ARHGAP28: variants seen among roughly 807,000 people sequenced by gnomAD.
ARHGAP28 encodes rho GTPase-activating protein 28.
A neutral mutation model predicts 90.7 loss-of-function variants in ARHGAP28; 56 were observed. The observed-to-expected ratio is 0.62, with a 90% CI of 0.50 to 0.77. The LOEUF (loss-of-function observed/expected upper bound fraction) is 0.77, where lower values mean the gene tolerates loss of function less well. Ranked by LOEUF, ARHGAP28 falls within the 30% of genes least tolerant of loss-of-function variation. The probability of loss-of-function intolerance (pLI) is 0.00; values close to 1 mark genes in which losing one functional copy is unlikely to be tolerated. For synonymous variants in ARHGAP28, 308 were observed against 323.3 expected, an observed-to-expected ratio of 0.95 and a Z score of 0.51; for missense variants, 869 against 900.9, an observed-to-expected ratio of 0.96 and a Z score of 0.45.
At chr18:6,816,231 G>T (rs984163674) in intron 1 of ARHGAP28, among the ~76,000 whole-genome samples, 1 of 152,112 alleles carries the variant, frequency 6.6e-6, no homozygotes, top group Non-Finnish European at 1.5e-5. Flanking sequence ...TGAAACTATG[G>T]CTTCTTTTTA....
chr18:6,812,211 TG>T (rs933248734), intron 1 of ARHGAP28, among the ~76,000 whole-genome samples: 1 of 152,230 alleles, frequency 6.6e-6, no homozygotes, highest in African/African-American at 2.4e-5. Context: ...GGGTAATTTT[TG>T]TTTTAAAGAG....
chr18:6,906,710 A>C (rs2143847663), intron 16 of ARHGAP28, among the ~76,000 whole-genome samples: 1 of 152,322 alleles, frequency 6.6e-6, no homozygotes, highest in Middle Eastern at 3.4e-3. Context: ...AACATTTATG[A>C]TCTAAAACTA....
chr18:6,821,092 C>T (rs1195761478), intron 1 of ARHGAP28, among the ~76,000 whole-genome samples: 1 of 152,038 alleles, frequency 6.6e-6, no homozygotes, highest in East Asian at 1.9e-4. Flanking sequence ...ACATAGATGA[C>T]AACAGTAATA....
chr18:6,838,709 C>A (rs1335340909), intron 3 of ARHGAP28, among the ~76,000 whole-genome samples: 1 of 152,168 alleles, frequency 6.6e-6, no homozygotes, highest in African/African-American at 2.4e-5. Flanking sequence ...TAACATAGTT[C>A]TAGAATCTTC....
At position 6,848,840 on chromosome 18, in the gene ARHGAP28, A is replaced by G. The variant is rs543331239; in HGVS notation, c.544-2194A>G. On this transcript the variant is annotated intron_variant, in intron 3 of 17. Transcript: ENST00000383472. ...AGGACATGCAAACAGAAGCATAATC[A>G]CAGCAAGTCTCCTCTGTCCCTTCTG... Among the ~76,000 whole-genome samples the G allele has an allele frequency of 3.9e-5, 6 of 152,276 alleles. No individual in the cohort carries two copies. The South Asian group carries it at 1.2e-3, about 32-fold the overall frequency.
At chr18:6,859,932 G>C in intron 5 of ARHGAP28, 35 bp downstream of exon 5, 1 of 1,582,224 alleles carries the variant, frequency 6.3e-7, no homozygotes, top group Non-Finnish European at 8.7e-7. Flanking sequence ...TACATGTCAA[G>C]GTACAGTTGC....
Position 6,913,302 on chromosome 18 carries a change from A to G in ARHGAP28, c.*1148A>G, listed in dbSNP as rs2057408537. The G allele has an allele frequency of 6.6e-6, 1 of 152,144 alleles. No homozygotes were observed. The highest frequency in any genetic ancestry group is 2.4e-5 in the African/African-American group (1 of 41,428). 9.4% of individuals were successfully genotyped at this position (152,144 alleles called of 1,614,324 possible). A position where few individuals can be genotyped will look rare whatever the true frequency, so the allele number is the denominator to read the frequency against. On this transcript the variant is annotated 3_prime_UTR_variant, in exon 18 of 18. Coordinates refer to ENST00000383472, the MANE Select transcript of ARHGAP28 (RefSeq NM_001366230.1). The stretch of plus-strand genomic sequence containing the variant: ...AGAACACATAGTCCCCACGTTTCTA[A>G]TTTGGAGCAAATCTAAAAGGTGCTG...
intron 1 of ARHGAP28, among the ~76,000 whole-genome samples, chr18:6,739,886 C>T (rs1360770290): frequency 7.0e-6 from 1 of 143,392 alleles, no homozygotes; most frequent in Non-Finnish European, 1.5e-5. Flanking sequence ...CGGAGTTTCA[C>T]TCTCGTTGTC....
rs530051905 is a variant in ARHGAP28, at chr18:6,870,938, C to T, written c.954+206C>T. Among the ~76,000 whole-genome samples, 11 of 152,204 alleles carry T rather than the reference C, an allele frequency of 7.2e-5. No individual in the cohort carries two copies. In the South Asian group the frequency reaches 8.3e-4, roughly 11 times the overall value. ...GCCTCAGCCTCCCGAGTAGCTGGGACTACAGGCACCTGCCAACTTGCCCGG... is the reference window on the plus strand; with the variant it reads ...GCCTCAGCCTCCCGAGTAGCTGGGATTACAGGCACCTGCCAACTTGCCCGG... On this transcript the variant is annotated intron_variant, in intron 7 of 17. Transcript: ENST00000383472.
intron 1 of ARHGAP28, among the ~76,000 whole-genome samples, chr18:6,803,462 T>C (rs1477319181): frequency 2.6e-5 from 4 of 152,152 alleles, no homozygotes; most frequent in South Asian, 4.1e-4. Context: ...ATATTTTTTA[T>C]ATAGAGTAGA....
chr18:6,842,780 C>T (rs1309506040), intron 3 of ARHGAP28, among the ~76,000 whole-genome samples: 1 of 152,058 alleles, frequency 6.6e-6, no homozygotes, highest in Non-Finnish European at 1.5e-5. Flanking sequence ...TGTTTACTGT[C>T]ATCCTCCACT....
intron 16 of ARHGAP28, among the ~76,000 whole-genome samples, chr18:6,906,719 T>C (rs955165615): frequency 3.2e-4 from 48 of 152,064 alleles, no homozygotes; most frequent in African/African-American, 1.1e-3. Flanking sequence ...GATCTAAAAC[T>C]AAAGAGTTCT....
intron 1 of ARHGAP28, among the ~76,000 whole-genome samples, chr18:6,820,632 T>C (rs1308959276): frequency 6.6e-6 from 1 of 152,200 alleles, no homozygotes; most frequent in East Asian, 1.9e-4. Context: ...ATAAAATCTA[T>C]TATGAGCAGA....
At chr18:6,841,595 T>C (rs1415429799) in intron 3 of ARHGAP28, among the ~76,000 whole-genome samples, 1 of 151,688 alleles carries the variant, frequency 6.6e-6, no homozygotes, top group Non-Finnish European at 1.5e-5. Context: ...TTCTCTTAAT[T>C]TTTTTTTGCA....
At chr18:6,860,493 A>G (rs1600256530) in intron 5 of ARHGAP28, among the ~76,000 whole-genome samples, 1 of 152,282 alleles carries the variant, frequency 6.6e-6, no homozygotes, top group South Asian at 2.1e-4. Context: ...CAGGGAGGAT[A>G]TGATAGACCC....
chr18:6,902,684 G>A (rs189874559), intron 16 of ARHGAP28, among the ~76,000 whole-genome samples: 3 of 152,208 alleles, frequency 2.0e-5, no homozygotes, highest in Non-Finnish European at 2.9e-5. Context: ...TGGCGAAGAT[G>A]AGAAGAAATC....
rs541846529 is a variant in ARHGAP28, at chr18:6,815,182, C to T, written c.123-9580C>T. Among the ~76,000 whole-genome samples, 26 of 152,294 alleles carry T rather than the reference C, an allele frequency of 1.7e-4. 1 individual carries two copies. In the South Asian group the frequency reaches 5.2e-3, roughly 30 times the overall value. On this transcript the variant is annotated intron_variant, in intron 1 of 17. Coordinates refer to ENST00000383472, the MANE Select transcript of ARHGAP28 (RefSeq NM_001366230.1). ...ACACAGACATAACATAAAACGTTCA[C>T]ATTTAGTGATTTACTTTGCCTGCAA... is the stretch of plus-strand genomic sequence containing the variant.
At position 6,836,802 on chromosome 18, in the gene ARHGAP28, G is replaced by A. The variant is rs534440673; in HGVS notation, c.326-395G>A. On this transcript the variant is annotated intron_variant, in intron 2 of 17. Coordinates refer to ENST00000383472, the MANE Select transcript of ARHGAP28 (RefSeq NM_001366230.1). ...TTAGGAATCAGGCAGCTGGTGAATG[G>A]TGGCCCTGGCATTTGAACCTCCATG... Among the ~76,000 whole-genome samples, 5 of 152,290 alleles carry A rather than the reference G, an allele frequency of 3.3e-5. No homozygotes were observed. The South Asian group carries it at 1.0e-3, about 32-fold the overall frequency.
At chr18:6,793,826 A>G (rs1263382909) in intron 1 of ARHGAP28, among the ~76,000 whole-genome samples, 1 of 152,020 alleles carries the variant, frequency 6.6e-6, no homozygotes, top group Non-Finnish European at 1.5e-5. Flanking sequence ...AATAGAAAAT[A>G]TTCTACTCAG....
Sources: gnomAD v4.1 joint callset for allele counts (sites outside exome capture counted in the v4.1 genomes callset) on GRCh38, gnomAD v4.1.1 for gene constraint, MANE v1.5 for transcripts, NCBI Gene and HGNC (gene_info 2026-07-23, HGNC 2026-07-21) for gene names.